The following NTN4 variants were observed in gnomAD, a reference collection of about 807,000 sequenced individuals.
NTN4 encodes netrin-4.
NTN4 carries 32 observed loss-of-function variants against 73.6 expected under a neutral mutation model. The observed-to-expected ratio is 0.44, with a 90% CI of 0.33 to 0.58. The LOEUF is 0.58. Among genes scored for constraint, NTN4 ranks in the 20% least tolerant of loss-of-function variants. The probability of loss-of-function intolerance (pLI) is 0.04; values close to 1 mark genes in which losing one functional copy is unlikely to be tolerated. For missense variants in NTN4, 654 were observed against 798.3 expected (o/e 0.82, Z 2.18); for synonymous variants, 258 against 287.5 (o/e 0.90, Z 1.04).
intron 2 of NTN4, among the ~76,000 whole-genome samples, chr12:95,766,162 C>T (rs2079020155): frequency 6.6e-6 from 1 of 152,196 alleles, no homozygotes; most frequent in Admixed American, 6.5e-5. Flanking sequence ...AAAAAGGGTG[C>T]TCCTCTTACA....
At chr12:95,763,647 A>C (rs1014433736) in intron 2 of NTN4, among the ~76,000 whole-genome samples, 1 of 152,220 alleles carries the variant, frequency 6.6e-6, no homozygotes. Context: ...GTTACTAATG[A>C]CGGTATTTTC....
Position 95,738,105 on chromosome 12 carries a change from T to C in NTN4, c.625A>G (p.Asn209Asp). The change falls in exon 3 of 10, where the codon AAC becomes GAC. Residue 209 changes from asparagine to aspartate, a missense_variant. Transcript: ENST00000343702. ...TCCTGAACTTTGGCACTGTAAGGGTTCTCTGTATCGTATGGTGGTGACAAA... is the reference window on the plus strand; with the variant it reads ...TCCTGAACTTTGGCACTGTAAGGGTCCTCTGTATCGTATGGTGGTGACAAA... ...KALSPPYDTENPYSAKVQEQL... is the reference protein window; with the variant it reads ...KALSPPYDTEDPYSAKVQEQL... 6.2e-7 allele frequency: 1 copy of C among 1,614,130 alleles called. No individual in the cohort carries two copies. The highest frequency in any genetic ancestry group is 8.5e-7 in the Non-Finnish European group (1 of 1,179,982).
At chr12:95,694,483 G>T (rs1373900083) in intron 5 of NTN4, among the ~76,000 whole-genome samples, 1 of 152,100 alleles carries the variant, frequency 6.6e-6, no homozygotes, top group African/African-American at 2.4e-5. Flanking sequence ...TTAGAGCAAG[G>T]GGGACTTAAG....
intron 5 of NTN4, among the ~76,000 whole-genome samples, chr12:95,703,569 G>A (rs1323303507): frequency 6.6e-6 from 1 of 152,194 alleles, no homozygotes; most frequent in Admixed American, 6.5e-5. Context: ...ATTAGGCTCT[G>A]AGACATACTG....
At chr12:95,676,542 A>G (rs2078274714) in intron 7 of NTN4, among the ~76,000 whole-genome samples, 1 of 152,212 alleles carries the variant, frequency 6.6e-6, no homozygotes, top group South Asian at 2.1e-4. Flanking sequence ...TGAAGATACT[A>G]CATATAAAGG....
chr12:95,659,549 C>T (rs547164084), intron 9 of NTN4, among the ~76,000 whole-genome samples: 10 of 152,192 alleles, frequency 6.6e-5, no homozygotes, highest in South Asian at 2.1e-4. Flanking sequence ...CTGCCCACCT[C>T]GGCCTCCCAA....
intron 7 of NTN4, among the ~76,000 whole-genome samples, chr12:95,676,928 C>T (rs1431156813): frequency 6.6e-6 from 1 of 152,050 alleles, no homozygotes; most frequent in African/African-American, 2.4e-5. Context: ...TATGCCAATA[C>T]AATTTTTTAA....
intron 2 of NTN4, among the ~76,000 whole-genome samples, chr12:95,754,216 A>G (rs1221506635): frequency 1.3e-5 from 2 of 152,080 alleles, no homozygotes; most frequent in African/African-American, 4.8e-5. Context: ...CCAGGCCATC[A>G]CCAATCATTC....
intron 7 of NTN4, among the ~76,000 whole-genome samples, chr12:95,682,271 C>T (rs1460199761): frequency 6.6e-6 from 1 of 151,396 alleles, no homozygotes; most frequent in Non-Finnish European, 1.5e-5. Context: ...CCAGGCTGGT[C>T]TTGAACTCTT....
At chr12:95,770,992 G>GTTTTGTTTTTCTTTTTTT (rs1555221586) in intron 2 of NTN4, among the ~76,000 whole-genome samples, 9,272 of 70,144 alleles carry the variant, frequency 0.13, 677 homozygotes, top group Non-Finnish European at 0.23. Context: ...AAAAGAATTT[G>GTTTTGTTTTTCTTTTTTT]TTTTTTTTTT....
intron 5 of NTN4, among the ~76,000 whole-genome samples, chr12:95,700,328 A>T (rs1294187395): frequency 6.6e-6 from 1 of 152,014 alleles, no homozygotes; most frequent in Non-Finnish European, 1.5e-5. Flanking sequence ...TGGTTTTCAA[A>T]TGCTGAGCCA....
At chr12:95,787,601 A>AT in intron 1 of NTN4, 133 bp from the exon 2 acceptor site, 1 of 749,518 alleles carries the variant, frequency 1.3e-6, no homozygotes, top group Non-Finnish European at 2.2e-6. Context: ...AAATTCTACC[A>AT]TGCTCCACCA....
In NTN4 at chr12:95,789,002, A is replaced by G. The variant is rs1181842030; in HGVS notation, c.55+1253T>C. On this transcript the variant is annotated intron_variant, in intron 1 of 9. Transcript: ENST00000343702. This position sits in a 1 kb window ranked among gnomAD's most constrained non-coding sequence, Gnocchi z 4.0. ...AAGGAAAAGGTTTTTTTTAAAGCTC[A>G]TATTTTAAGAGTGCAAGAATTAAAG... Among the ~76,000 whole-genome samples the G allele has an allele frequency of 6.6e-6, 1 of 152,212 alleles. No homozygotes were observed. Among genetic ancestry groups the G allele is most frequent in the African/African-American group, 2.4e-5 (1 of 41,442 alleles).
chr12:95,775,636 G>A lies in NTN4; in HGVS notation c.585+11303C>T, dbSNP rs1398037838. Among the ~76,000 whole-genome samples the A allele has an allele frequency of 2.6e-5, 4 of 152,238 alleles. No homozygotes were observed. In the East Asian group the frequency reaches 7.7e-4, roughly 29 times the overall value. On this transcript the variant is annotated intron_variant, in intron 2 of 9. Coordinates refer to ENST00000343702, the MANE Select transcript of NTN4 (RefSeq NM_021229.4). Reference sequence around the variant, plus strand: ...CAAGGCGGCAGCCAGGCTGGGGGAGGGGTGCCCGCTATTGCTGAGGCTTGA... The same window carrying A: ...CAAGGCGGCAGCCAGGCTGGGGGAGAGGTGCCCGCTATTGCTGAGGCTTGA...
intron 2 of NTN4, among the ~76,000 whole-genome samples, chr12:95,740,529 T>C (rs910775951): frequency 6.6e-6 from 1 of 152,238 alleles, no homozygotes; most frequent in African/African-American, 2.4e-5. Flanking sequence ...ACTTCAGTAT[T>C]TCTGGCTCGT....
intron 2 of NTN4, among the ~76,000 whole-genome samples, chr12:95,753,193 A>G (rs2078923137): frequency 6.6e-6 from 1 of 152,054 alleles, no homozygotes; most frequent in African/African-American, 2.4e-5. Context: ...AAGGCAGGCT[A>G]TGCTATAGTA....
chr12:95,729,632 A>AGAGAGAGTGTGT (rs1555218229), intron 3 of NTN4, among the ~76,000 whole-genome samples: 1 of 124,088 alleles, frequency 8.1e-6, no homozygotes, highest in African/African-American at 2.9e-5. Flanking sequence ...AGAGAGAGAG[A>AGAGAGAGTGTGT]GTGTGTGTGT....
intron 7 of NTN4, among the ~76,000 whole-genome samples, chr12:95,681,271 T>C (rs1016771854): frequency 2.0e-5 from 3 of 150,986 alleles, no homozygotes; most frequent in Non-Finnish European, 2.9e-5. Context: ...AATAAAAACA[T>C]GGAAGTGGAT....
At chr12:95,660,007 TTTTTG>T (rs1158762426) in intron 9 of NTN4, among the ~76,000 whole-genome samples, 4 of 151,824 alleles carry the variant, frequency 2.6e-5, no homozygotes, top group Admixed American at 6.6e-5. Flanking sequence ...TTTTTTTTTG[TTTTTG>T]TTTTGTTTTG....
Sources: allele counts gnomAD v4.1 joint callset (sites outside exome capture counted in the v4.1 genomes callset), GRCh38; gene constraint gnomAD v4.1.1; non-coding constraint Gnocchi (gnomAD v3.1); transcripts MANE v1.5; gene names NCBI Gene and HGNC (gene_info 2026-07-23, HGNC 2026-07-21).